Variants in FOXK1 observed in about 807,000 individuals in gnomAD.
FOXK1 encodes the protein forkhead box protein K1.
A neutral mutation model predicts 51.9 loss-of-function variants in FOXK1; 19 were observed. That is an observed-to-expected ratio of 0.37 (90% CI 0.26 to 0.54). The LOEUF (loss-of-function observed/expected upper bound fraction) is 0.54. Among genes scored for constraint, FOXK1 ranks in the 20% least tolerant of loss-of-function variants. The probability of loss-of-function intolerance (pLI) is 0.87; values close to 1 mark genes in which losing one functional copy is unlikely to be tolerated. For missense variants in FOXK1, 870 were observed against 1,032.7 expected, an observed-to-expected ratio of 0.84 and a Z score of 2.16; for synonymous variants, 537 against 482.6, an observed-to-expected ratio of 1.11 and a Z score of -1.48.
Position 4,745,618 on chromosome 7 carries a change from C to T in FOXK1, c.746+4595C>T, listed in dbSNP as rs1185813019. 1.3e-5 allele frequency among the ~76,000 whole-genome samples: 2 copies of T among 152,104 alleles called. No homozygotes were observed. The highest frequency in any genetic ancestry group is 1.3e-4 in the Admixed American group (2 of 15,272). ...TCCTTTTTGCAAAGAAGGATTTTTA[C>T]AGGCCAGGCGCCCGGTGGCTCAGGC... is the stretch of plus-strand genomic sequence containing the variant. On this transcript the variant is annotated intron_variant, in intron 2 of 8. Coordinates refer to ENST00000328914, the MANE Select transcript of FOXK1 (RefSeq NM_001037165.2). This position sits in a 1 kb window ranked among gnomAD's most constrained non-coding sequence, Gnocchi z 4.3.
intron 2 of FOXK1, among the ~76,000 whole-genome samples, chr7:4,752,900 A>C (rs1044537991): frequency 6.6e-6 from 1 of 152,238 alleles, no homozygotes; most frequent in East Asian, 1.9e-4. Flanking sequence ...TGCTGTTACC[A>C]GTCAAAACCT....
chr7:4,699,376 G>GTT lies in FOXK1; in HGVS notation c.560+16520_560+16521dup, dbSNP rs367704367. Among the ~76,000 whole-genome samples the GTT allele has an allele frequency of 8.5e-3, 1,159 of 136,154 alleles. 18 individuals are homozygous for GTT. Among genetic ancestry groups the GTT allele is most frequent in the Middle Eastern group, 0.023 (6 of 266 alleles). The allele number at this position is 136,154 out of a possible 152,430, so 89.3% of individuals were successfully genotyped here. ...GTGGGGTCCTTATCCACAGGGTTAGGTTTTTTTTTTTTTGAGACATCTCAC... is the reference window on the plus strand; with the variant it reads ...GTGGGGTCCTTATCCACAGGGTTAGGTTTTTTTTTTTTTTTGAGACATCTCAC... On this transcript the variant is annotated intron_variant, in intron 1 of 8. Transcript: ENST00000328914.
intron 1 of FOXK1, among the ~76,000 whole-genome samples, chr7:4,687,654 A>C (rs576508287): frequency 6.6e-6 from 1 of 152,268 alleles, no homozygotes; most frequent in South Asian, 2.1e-4. Flanking sequence ...AAAATTCAAA[A>C]AATTTGTTTT....
At chr7:4,718,712 C>T (rs1326102820) in intron 1 of FOXK1, among the ~76,000 whole-genome samples, 1 of 152,226 alleles carries the variant, frequency 6.6e-6, no homozygotes, top group Non-Finnish European at 1.5e-5. Flanking sequence ...TACCTTCCTT[C>T]CACCCATGTA....
At chr7:4,741,284 TTTG>T (rs1780630489) in intron 2 of FOXK1, among the ~76,000 whole-genome samples, 1 of 152,144 alleles carries the variant, frequency 6.6e-6, no homozygotes, top group South Asian at 2.1e-4. Flanking sequence ...CACAGGTTTT[TTTG>T]TTGTTTTTTG....
Position 4,682,991 on chromosome 7 carries a change from C to T in FOXK1, c.560+123C>T, listed in dbSNP as rs142838308. The T allele has an allele frequency of 4.2e-3, 4,095 of 983,220 alleles. 127 individuals are homozygous for T. In the African/African-American group the frequency reaches 0.064, roughly 15 times the overall value. The allele number at this position is 983,220 out of a possible 1,614,324, so 60.9% of individuals were successfully genotyped here. A position where few individuals can be genotyped will look rare whatever the true frequency, so the allele number is the denominator to read the frequency against. On this transcript the variant is annotated intron_variant, in intron 1 of 8. Transcript: ENST00000328914. The surrounding 1 kb of genome is among the most constrained non-coding windows in gnomAD (Gnocchi z 7.6). Reference sequence around the variant, plus strand: ...GCCTCGACCCCCACCCCCCGGCCCACCCCCGGTAACCCCCGACCGGCCTGG... The same window carrying T: ...GCCTCGACCCCCACCCCCCGGCCCATCCCCGGTAACCCCCGACCGGCCTGG...
intron 1 of FOXK1, among the ~76,000 whole-genome samples, chr7:4,694,126 A>G (rs777343127): frequency 2.2e-4 from 34 of 152,196 alleles, no homozygotes; most frequent in Admixed American, 1.3e-3. Context: ...GGCTCACATG[A>G]TCCTCCCACC....
At chr7:4,714,310 G>T (rs369899525) in intron 1 of FOXK1, among the ~76,000 whole-genome samples, 2 of 151,418 alleles carry the variant, frequency 1.3e-5, no homozygotes, top group African/African-American at 4.9e-5. Flanking sequence ...AGACAGTCTC[G>T]CTGTGTCACC....
chr7:4,710,858 G>A (rs142696891), intron 1 of FOXK1, among the ~76,000 whole-genome samples: 2 of 152,160 alleles, frequency 1.3e-5, no homozygotes, highest in Admixed American at 1.3e-4. Flanking sequence ...ATTCCACGTC[G>A]TGGATTTTTC....
Position 4,740,907 on chromosome 7 carries a change from C to A in FOXK1, c.630C>A (p.Ala210=). The change falls in exon 2 of 9, where the codon GCC becomes GCA. Residue 210 remains alanine, a synonymous_variant. Coordinates refer to ENST00000328914, the MANE Select transcript of FOXK1 (RefSeq NM_001037165.2). ...QFTSLYHKEE[A]PASPLRPLYP... is the part of the protein sequence containing the mutation. ...CGTCGCTCTATCACAAAGAAGAGGCCCCAGCCTCCCCGCTGCGGCCACTGT... is the reference window on the plus strand; with the variant it reads ...CGTCGCTCTATCACAAAGAAGAGGCACCAGCCTCCCCGCTGCGGCCACTGT... 1.3e-6 allele frequency: 2 copies of A among 1,588,882 alleles called. No homozygotes were observed. The highest frequency in any genetic ancestry group is 1.7e-6 in the Non-Finnish European group (2 of 1,169,326).
intron 1 of FOXK1, among the ~76,000 whole-genome samples, chr7:4,717,755 C>T (rs1214039501): frequency 3.3e-5 from 5 of 152,114 alleles, no homozygotes; most frequent in Non-Finnish European, 5.9e-5. Context: ...TTGAACCCTG[C>T]CTCTAAATGC....
At chr7:4,728,770 T>C (rs902531441) in intron 1 of FOXK1, among the ~76,000 whole-genome samples, 1 of 150,050 alleles carries the variant, frequency 6.7e-6, no homozygotes, top group Non-Finnish European at 1.5e-5. Flanking sequence ...AGAAAACGTA[T>C]TTTTCTTAAG....
chr7:4,735,761 G>C lies in FOXK1; in HGVS notation c.561-5077G>C, dbSNP rs906969399. Reference sequence around the variant, plus strand: ...GTGCAGCACCTTCACGATGCAAAACGTGCTCGTTCAGACTCCAGCTAGAGC... The same window carrying C: ...GTGCAGCACCTTCACGATGCAAAACCTGCTCGTTCAGACTCCAGCTAGAGC... On this transcript the variant is annotated intron_variant, in intron 1 of 8. Coordinates refer to ENST00000328914, the MANE Select transcript of FOXK1 (RefSeq NM_001037165.2). This position sits in a 1 kb window ranked among gnomAD's most constrained non-coding sequence, Gnocchi z 4.7. 2.0e-5 allele frequency among the ~76,000 whole-genome samples: 3 copies of C among 152,174 alleles called. No homozygotes were observed. Among genetic ancestry groups the C allele is most frequent in the Non-Finnish European group, 2.9e-5 (2 of 68,030 alleles).
intron 1 of FOXK1, 96 bp from the exon 2 acceptor site, chr7:4,740,742 C>A: frequency 8.0e-7 from 1 of 1,256,910 alleles, no homozygotes. Flanking sequence ...AGTTACGGTC[C>A]AGTTACTTAG....
In FOXK1 at chr7:4,762,249, C is replaced by T. The variant is rs923262748; in HGVS notation, c.1987C>T (p.Arg663Trp). The T allele has an allele frequency of 2.6e-6, 4 of 1,552,340 alleles. No homozygotes were observed. The highest frequency in any genetic ancestry group is 1.4e-5 in the African/African-American group (1 of 73,080). ...ASSSAPVVVT[R>W]VCEVGPKEPA... is the part of the protein sequence containing the mutation. ...TTCATCCGCGCCGGTGGTGGTCACCCGGGTGTGCGAGGTGGGGCCCAAGGA... is the reference window on the plus strand; with the variant it reads ...TTCATCCGCGCCGGTGGTGGTCACCTGGGTGTGCGAGGTGGGGCCCAAGGA... The change falls in exon 9 of 9, where the codon CGG (arginine) becomes TGG (tryptophan). Residue 663 changes from arginine to tryptophan, a missense_variant. Arg to Trp is a moderately radical substitution (Grantham distance 101). Around this residue, in one of 3 missense-constraint regions of FOXK1, gnomAD observed 457 missense variants for 510.8 expected, o/e 0.89. Coordinates refer to ENST00000328914, the MANE Select transcript of FOXK1 (RefSeq NM_001037165.2). The surrounding 1 kb of genome is among the most constrained non-coding windows in gnomAD (Gnocchi z 5.7).
rs118108927 is a variant in FOXK1, at chr7:4,764,506, G to A, written c.*2042G>A. 3,159 of 154,056 alleles carry A rather than the reference G, an allele frequency of 0.021. 46 individuals carry two copies. Among genetic ancestry groups the A allele is most frequent in the South Asian group, 0.039 (190 of 4,898 alleles). The allele number at this position is 154,056 out of a possible 1,614,324, so 9.5% of individuals were successfully genotyped here. A position where few individuals can be genotyped will look rare whatever the true frequency, so the allele number is the denominator to read the frequency against. ...TTCCACACTTGTGTCGCCTGCTGTTGTCTGTGGGCCTTTTCTTTCCGTGGT... is the reference window on the plus strand; with the variant it reads ...TTCCACACTTGTGTCGCCTGCTGTTATCTGTGGGCCTTTTCTTTCCGTGGT... On this transcript the variant is annotated 3_prime_UTR_variant, in exon 9 of 9. Transcript: ENST00000328914.
intron 1 of FOXK1, among the ~76,000 whole-genome samples, chr7:4,710,187 C>T (rs191818720): frequency 1.3e-5 from 2 of 152,348 alleles, no homozygotes; most frequent in East Asian, 3.9e-4. Flanking sequence ...TGCTCTAAGC[C>T]TCAGTTTCCT....
At chr7:4,754,705 T>TG in intron 3 of FOXK1, 90 bp downstream of exon 3, 1 of 1,435,672 alleles carries the variant, frequency 7.0e-7, no homozygotes, top group Non-Finnish European at 9.4e-7. Flanking sequence ...GCCCAGGGCC[T>TG]GCGGGCGTGT....
At chr7:4,686,946 T>C (rs1292253804) in intron 1 of FOXK1, among the ~76,000 whole-genome samples, 2 of 151,462 alleles carry the variant, frequency 1.3e-5, no homozygotes, top group African/African-American at 4.9e-5. Context: ...TCTTTTTTTT[T>C]TTTTGAGACA....
Sources: allele counts gnomAD v4.1 joint callset (sites outside exome capture counted in the v4.1 genomes callset), GRCh38; gene constraint gnomAD v4.1.1; regional missense constraint gnomAD v4.1.1; non-coding constraint Gnocchi (gnomAD v3.1); transcripts MANE v1.5; gene names NCBI Gene and HGNC (gene_info 2026-07-23, HGNC 2026-07-21).